The following PREPL variants were observed in gnomAD, a reference collection of about 807,000 sequenced individuals.
The protein encoded by PREPL is prolyl endopeptidase-like.
PREPL carries 77 observed loss-of-function variants against 70.6 expected under a neutral mutation model. The ratio of observed to expected loss-of-function variants is 1.09; its 90% CI spans 0.91 to 1.32. The LOEUF (loss-of-function observed/expected upper bound fraction) is 1.32. Ranked by LOEUF, PREPL falls within the 40% of genes most tolerant of loss-of-function variation. The probability of loss-of-function intolerance (pLI) is 0.00; values close to 1 mark genes in which losing one functional copy is unlikely to be tolerated. For missense variants in PREPL, 1,002 were observed against 778.2 expected, an observed-to-expected ratio of 1.29 and a Z score of -3.42; for synonymous variants, 315 against 264.8, an observed-to-expected ratio of 1.19 and a Z score of -1.84.
chr2:44,357,224 CTTAG>C (rs915327575), intron 1 of PREPL, among the ~76,000 whole-genome samples: 7 of 152,210 alleles, frequency 4.6e-5, no homozygotes, highest in South Asian at 2.1e-4. Flanking sequence ...TTTTCTGTTC[CTTAG>C]TTAACTTATA....
At position 44,320,416 on chromosome 2, in the gene PREPL, C is replaced by G. The variant is rs759732153; in HGVS notation, c.*940G>C. 1 of 1,613,980 alleles carries G rather than the reference C, an allele frequency of 6.2e-7. No homozygotes were observed. ...CTGTTAAATCTACATAATATGATTT[C>G]GGGCCTTCCCGCTAAAATGAGAATA... On this transcript the variant is annotated 3_prime_UTR_variant, in exon 14 of 14. Coordinates refer to ENST00000409411, the MANE Select transcript of PREPL (RefSeq NM_001171613.2).
rs761697797 is a variant in PREPL at position 44,329,085 on chromosome 2, A to C, written c.1114T>G (p.Phe372Val). 6.2e-7 allele frequency: 1 copy of C among 1,607,424 alleles called. No individual in the cohort carries two copies. The part of the protein sequence containing the change: ...KDGKLVPMTV[F>V]HKTDSEDLQK... ...AAGTCCTCAGAGTCAGTTTTGTGGA[A>C]AACAGTCATTGGCACTAATTTTCCA... Residue 372 changes from phenylalanine (F) to valine (V), a missense_variant, in exon 9 of 14, where the codon TTC (phenylalanine) becomes GTC (valine). By Grantham distance (50) the Phe-to-Val change is conservative. Transcript: ENST00000409411.
intron 4 of PREPL, 106 bp downstream of exon 4, chr2:44,343,639 T>A: frequency 1.0e-6 from 1 of 967,496 alleles, no homozygotes; most frequent in Non-Finnish European, 1.6e-6. Flanking sequence ...TAGGGATACA[T>A]GAATCAGGCA....
rs1672659638 is a variant in PREPL, at chr2:44,318,733, G to A, written c.*2623C>T. 6.6e-6 allele frequency: 1 copy of A among 152,086 alleles called. No homozygotes were observed. The highest frequency in any genetic ancestry group is 1.5e-5 in the Non-Finnish European group (1 of 68,022). The allele number at this position is 152,086 out of a possible 1,614,324, so 9.4% of individuals were successfully genotyped here. A position where few individuals can be genotyped will look rare whatever the true frequency, so the allele number is the denominator to read the frequency against. On this transcript the variant is annotated 3_prime_UTR_variant, in exon 14 of 14. Transcript: ENST00000409411. ...AAACCTTTTTATAGTATGTATTCTT[G>A]TAATTGAATAAAAAATAAAATTACA...
chr2:44,348,418 C>T (rs146746349), intron 1 of PREPL, among the ~76,000 whole-genome samples: 36 of 152,268 alleles, frequency 2.4e-4, no homozygotes, highest in Non-Finnish European at 5.0e-4. Context: ...CTTTGCATTT[C>T]TAGATTCAGG....
At chr2:44,343,722 G>T in intron 4 of PREPL, 23 bp downstream of exon 4, 1 of 1,588,350 alleles carries the variant, frequency 6.3e-7, no homozygotes, top group Non-Finnish European at 8.6e-7. Flanking sequence ...CAACACAGAG[G>T]ACTATTTTGG....
chr2:44,340,051 A>G (rs933438818), intron 5 of PREPL, among the ~76,000 whole-genome samples: 5 of 152,012 alleles, frequency 3.3e-5, no homozygotes, highest in Admixed American at 6.6e-5. Context: ...TATAGATACA[A>G]TTTTTGATTC....
Position 44,320,356 on chromosome 2 carries a change from T to C in PREPL, c.*1000A>G, listed in dbSNP as rs779453355. 6 of 1,614,122 alleles carry C rather than the reference T, an allele frequency of 3.7e-6. No homozygotes were observed. In the South Asian group the frequency reaches 6.6e-5, roughly 18 times the overall value. The stretch of plus-strand genomic sequence containing the variant: ...AGAGAGCTGGATGGCATCGACAGAA[T>C]CTTTATCGTGGTTCTGAATTTTGGA... On this transcript the variant is annotated 3_prime_UTR_variant, in exon 14 of 14. Coordinates refer to ENST00000409411, the MANE Select transcript of PREPL (RefSeq NM_001171613.2).
At chr2:44,348,064 T>G (rs915404720) in intron 1 of PREPL, among the ~76,000 whole-genome samples, 5 of 151,952 alleles carry the variant, frequency 3.3e-5, no homozygotes, top group Non-Finnish European at 7.4e-5. Context: ...ATTTTCTGAA[T>G]TTTTTTTAAG....
chr2:44,321,461 TAAAAAAATTA>T lies in PREPL; in HGVS notation c.1828-26_1828-17del, dbSNP rs767456147. 6.2e-7 allele frequency: 1 copy of T among 1,605,242 alleles called. No homozygotes were observed. Among genetic ancestry groups the T allele is most frequent in the Non-Finnish European group, 8.5e-7 (1 of 1,173,294 alleles). On this transcript the variant is annotated splice_polypyrimidine_tract_variant and intron_variant, in intron 13 of 13. Transcript: ENST00000409411. The stretch of plus-strand genomic sequence containing the variant: ...GGGCTGTAATCTAAAAGAAACACAT[TAAAAAAATTA>T]AATAGAAGGCCTTTGTAGTAAAATG...
chr2:44,322,250 G>A (rs1009875473), intron 12 of PREPL, among the ~76,000 whole-genome samples: 1 of 152,046 alleles, frequency 6.6e-6, no homozygotes, highest in South Asian at 2.1e-4. Context: ...ATGAATACAG[G>A]GAGACTGATA....
Position 44,328,955 on chromosome 2 carries a change from A to G in PREPL, c.1244T>C (p.Leu415Ser), listed in dbSNP as rs1430753619. 13 of 1,613,582 alleles carry G rather than the reference A, an allele frequency of 8.1e-6. No individual in the cohort carries two copies. The South Asian group carries it at 1.3e-4, about 16-fold the overall frequency. The change falls in exon 9 of 14, where the codon TTA becomes TCA. Residue 415 changes from leucine to serine, a missense_variant. Coordinates refer to ENST00000409411, the MANE Select transcript of PREPL (RefSeq NM_001171613.2). Reference protein sequence around the residue: ...RRVLVDDGWILAYCHVRGGGE... With the variant: ...RRVLVDDGWISAYCHVRGGGE... The stretch of plus-strand genomic sequence containing the variant: ...GACTCACCGAACATGGCAGTATGCT[A>G]ATATCCATCCATCATCCACCAGGAC...
chr2:44,352,038 T>C (rs913217139), intron 1 of PREPL, among the ~76,000 whole-genome samples: 4 of 152,344 alleles, frequency 2.6e-5, no homozygotes, highest in Middle Eastern at 3.4e-3. Flanking sequence ...CATATCAAGC[T>C]TGCTCCCATA....
intron 1 of PREPL, among the ~76,000 whole-genome samples, chr2:44,351,855 A>G (rs551396637): frequency 1.3e-5 from 2 of 152,308 alleles, no homozygotes; most frequent in East Asian, 3.9e-4. Context: ...AGATTATGTT[A>G]CTCCACTCAA....
chr2:44,321,903 G>A lies in PREPL; in HGVS notation c.1754-3C>T, dbSNP rs1672995995. ...AATAATATTAGGGGTCTGATAGCCT[G>A]GAAGAGTTAACATGTAGAACAATTA... is the stretch of plus-strand genomic sequence containing the variant. On this transcript the variant is annotated splice_polypyrimidine_tract_variant and splice_region_variant and intron_variant, in intron 12 of 13. Coordinates refer to ENST00000409411, the MANE Select transcript of PREPL (RefSeq NM_001171613.2). 3 of 1,611,704 alleles carry A rather than the reference G, an allele frequency of 1.9e-6. No homozygotes were observed. Among genetic ancestry groups the A allele is most frequent in the South Asian group, 1.1e-5 (1 of 90,832 alleles).
At chr2:44,322,880 G>C (rs184080279) in intron 11 of PREPL, 26 bp from the exon 12 acceptor site, 2 of 1,608,602 alleles carry the variant, frequency 1.2e-6, no homozygotes, top group African/African-American at 1.3e-5. Flanking sequence ...TGCACGAAGA[G>C]TTTACATTAT....
chr2:44,359,465 C>G, intron 1 of PREPL: 1 of 1,448,144 alleles, frequency 6.9e-7, no homozygotes, highest in African/African-American at 1.4e-5. Flanking sequence ...ATCTTAATGA[C>G]CTACAAATAG....
At chr2:44,341,354 A>G (rs1292842872) in intron 5 of PREPL, among the ~76,000 whole-genome samples, 1 of 152,144 alleles carries the variant, frequency 6.6e-6, no homozygotes, top group Non-Finnish European at 1.5e-5. Context: ...TTTTAGAGTT[A>G]TTCTAAGCTC....
At chr2:44,350,959 C>T (rs1017864858) in intron 1 of PREPL, among the ~76,000 whole-genome samples, 4 of 110,462 alleles carry the variant, frequency 3.6e-5, no homozygotes, top group Admixed American at 9.5e-5. Context: ...CTTCTCAACT[C>T]CCTGGCTTTT....
Sources: allele counts gnomAD v4.1 joint callset (sites outside exome capture counted in the v4.1 genomes callset), GRCh38; gene constraint gnomAD v4.1.1; transcripts MANE v1.5; gene names NCBI Gene and HGNC (gene_info 2026-07-23, HGNC 2026-07-21).